Variants in KIAA0753 observed in about 807,000 individuals in gnomAD.
KIAA0753 encodes protein moonraker.
KIAA0753 carries 114 observed loss-of-function variants against 116.9 expected under a neutral mutation model. That is an observed-to-expected ratio of 0.98 (90% CI 0.84 to 1.14). The LOEUF (loss-of-function observed/expected upper bound fraction) is 1.14. KIAA0753 is among the 50% of genes most tolerant of loss of function. The pLI is 0.00. For missense variants in KIAA0753, 1,156 were observed against 1,172.4 expected, an observed-to-expected ratio of 0.99 and a Z score of 0.20; for synonymous variants, 405 against 413.1, an observed-to-expected ratio of 0.98 and a Z score of 0.24.
At chr17:6,595,418 C>T (rs1013767592) in intron 15 of KIAA0753, among the ~76,000 whole-genome samples, 1 of 152,124 alleles carries the variant, frequency 6.6e-6, no homozygotes, top group Non-Finnish European at 1.5e-5. Context: ...TTGAGCACCC[C>T]GGGCCTAGAC....
intron 8 of KIAA0753, among the ~76,000 whole-genome samples, chr17:6,611,709 C>T (rs1970557962): frequency 6.6e-6 from 1 of 152,084 alleles, no homozygotes; most frequent in East Asian, 1.9e-4. Context: ...TAGGATCTTA[C>T]CAAACCAGGA....
chr17:6,608,741 A>C (rs1284394850), intron 9 of KIAA0753, among the ~76,000 whole-genome samples: 1 of 152,182 alleles, frequency 6.6e-6, no homozygotes, highest in Non-Finnish European at 1.5e-5. Context: ...GTGTCAACAA[A>C]ACTCTGTCAC....
chr17:6,609,899 T>C, intron 9 of KIAA0753, 95 bp downstream of exon 9: 2 of 1,331,882 alleles, frequency 1.5e-6, no homozygotes, highest in Non-Finnish European at 2.1e-6. Context: ...TTAAGGCTAC[T>C]ACTTAATTTG....
At chr17:6,612,410 A>G (rs933672635) in intron 7 of KIAA0753, among the ~76,000 whole-genome samples, 4 of 152,312 alleles carry the variant, frequency 2.6e-5, no homozygotes, top group Non-Finnish European at 5.9e-5. Flanking sequence ...TAATTTTAAA[A>G]TAGCTCTTAC....
At chr17:6,588,698 T>C (rs1968766029) in intron 18 of KIAA0753, among the ~76,000 whole-genome samples, 1 of 152,190 alleles carries the variant, frequency 6.6e-6, no homozygotes, top group Non-Finnish European at 1.5e-5. Context: ...AGCTCAATGA[T>C]GAAAAATATC....
chr17:6,622,888 T>G lies in KIAA0753; in HGVS notation c.1098A>C (p.Gln366His), dbSNP rs919357573. 7.4e-6 allele frequency: 12 copies of G among 1,610,828 alleles called. No individual in the cohort carries two copies. The highest frequency in any genetic ancestry group is 1.6e-4 in the Middle Eastern group (1 of 6,074). ...ATTGGAATTAATTCCATACCTCAATTTGTTGCAGAATATCTATAACCACAT... is the reference window on the plus strand; with the variant it reads ...ATTGGAATTAATTCCATACCTCAATGTGTTGCAGAATATCTATAACCACAT... ...VPDVVIDILQ[Q>H]IEALESLLEK... The change falls in exon 6 of 19, where the codon CAA (glutamine) becomes CAC (histidine). Residue 366 changes from glutamine (Q) to histidine (H), a missense_variant. Physicochemically the swap from Gln to His is conservative, Grantham distance 24. Coordinates refer to ENST00000361413, the MANE Select transcript of KIAA0753 (RefSeq NM_014804.3).
intron 1 of KIAA0753, chr17:6,637,231 C>T (rs1389470777): frequency 6.6e-6 from 1 of 152,620 alleles, no homozygotes; most frequent in Non-Finnish European, 1.5e-5. Flanking sequence ...AGGCGCACGC[C>T]CTGCCATGGG....
At chr17:6,616,910 C>T (rs1970972649) in intron 7 of KIAA0753, among the ~76,000 whole-genome samples, 1 of 152,170 alleles carries the variant, frequency 6.6e-6, no homozygotes, top group Admixed American at 6.5e-5. Context: ...ATCTAGGTCT[C>T]CTTGGTCCAA....
At chr17:6,632,857 T>C (rs1972093019) in intron 2 of KIAA0753, among the ~76,000 whole-genome samples, 1 of 152,088 alleles carries the variant, frequency 6.6e-6, no homozygotes, top group Admixed American at 6.5e-5. Flanking sequence ...GCCTATATTC[T>C]TAAAAAAAAT....
At chr17:6,590,376 C>T (rs1968905408) in intron 17 of KIAA0753, 134 bp downstream of exon 17, 1 of 986,706 alleles carries the variant, frequency 1.0e-6, no homozygotes, top group Admixed American at 2.3e-5. Context: ...TTTACTCAGC[C>T]ATCTTGGAGT....
At chr17:6,635,325 T>C (rs1325933778) in intron 1 of KIAA0753, 154 bp from the exon 2 acceptor site, 1 of 339,176 alleles carries the variant, frequency 2.9e-6, no homozygotes, top group Non-Finnish European at 5.0e-6. Flanking sequence ...AAATGATAGT[T>C]TCTTCCATTT....
chr17:6,627,873 C>T (rs1971770629), intron 3 of KIAA0753, among the ~76,000 whole-genome samples: 1 of 152,160 alleles, frequency 6.6e-6, no homozygotes, highest in Non-Finnish European at 1.5e-5. Context: ...AGTCAGTGGA[C>T]ATTTGAAGGG....
intron 16 of KIAA0753, among the ~76,000 whole-genome samples, chr17:6,594,610 G>C (rs2150767807): frequency 6.6e-6 from 1 of 152,254 alleles, no homozygotes; most frequent in African/African-American, 2.4e-5. Context: ...TTGCATAACA[G>C]ACATGTATCC....
rs367759241 is a variant in KIAA0753 at position 6,596,391 on chromosome 17, G to A, written c.2173-48C>T. 16 of 1,337,726 alleles carry A rather than the reference G, an allele frequency of 1.2e-5. No individual in the cohort carries two copies. In the East Asian group the frequency reaches 3.6e-4, roughly 30 times the overall value. 82.9% of individuals were successfully genotyped at this position (1,337,726 alleles called of 1,614,324 possible). ...GAGGAGAGGCATGGGGTGGATTAGG[G>A]GTGGGAAGGTGATATAATGAAAACA... On this transcript the variant is annotated intron_variant, in intron 14 of 18. Transcript: ENST00000361413.
intron 17 of KIAA0753, 94 bp downstream of exon 17, chr17:6,590,416 T>C: frequency 2.1e-6 from 3 of 1,462,694 alleles, no homozygotes; most frequent in Non-Finnish European, 2.8e-6. Context: ...AGGAAGAATT[T>C]CTGTCTGTCT....
chr17:6,594,909 T>A, intron 16 of KIAA0753, 63 bp downstream of exon 16: 1 of 1,317,504 alleles, frequency 7.6e-7, no homozygotes, highest in Non-Finnish European at 1.1e-6. Context: ...TTTTTTCAAT[T>A]TTCTGTATGT....
chr17:6,612,536 C>G (rs1221724698), intron 7 of KIAA0753, among the ~76,000 whole-genome samples: 1 of 152,230 alleles, frequency 6.6e-6, no homozygotes, highest in African/African-American at 2.4e-5. Flanking sequence ...ACACTGTCTT[C>G]TGGCTACCAA....
rs779438987 is a variant in KIAA0753 at position 6,622,890 on chromosome 17, G to A, written c.1096C>T (p.Gln366Ter). The A allele has an allele frequency of 1.2e-6, 2 of 1,611,262 alleles. No homozygotes were observed. The highest frequency in any genetic ancestry group is 1.7e-6 in the Non-Finnish European group (2 of 1,177,596). The stretch of plus-strand genomic sequence containing the variant: ...TGGAATTAATTCCATACCTCAATTT[G>A]TTGCAGAATATCTATAACCACATCA... The part of the protein sequence containing the change: ...VPDVVIDILQ[Q>*]IEALESLLEK... The change falls in exon 6 of 19, where the codon CAA becomes TAA. Residue 366 changes from glutamine to a stop codon, truncating the protein, a stop_gained. Coordinates refer to ENST00000361413, the MANE Select transcript of KIAA0753 (RefSeq NM_014804.3). LOFTEE classifies it high-confidence loss of function.
chr17:6,610,730 G>A (rs972460527), intron 8 of KIAA0753, among the ~76,000 whole-genome samples: 3 of 151,620 alleles, frequency 2.0e-5, no homozygotes, highest in Non-Finnish European at 2.9e-5. Flanking sequence ...GTGTTGTCCA[G>A]GCTGGTCTTG....
Sources: allele counts gnomAD v4.1 joint callset (sites outside exome capture counted in the v4.1 genomes callset), GRCh38; gene constraint gnomAD v4.1.1; transcripts MANE v1.5; gene names NCBI Gene and HGNC (gene_info 2026-07-23, HGNC 2026-07-21).